The following CRPPA variants were observed in gnomAD, a reference collection of about 807,000 sequenced individuals.
The protein encoded by CRPPA is D-ribitol-5-phosphate cytidylyltransferase.
CRPPA carries 43 observed loss-of-function variants against 52.0 expected under a neutral mutation model. That is an observed-to-expected ratio of 0.83 (90% CI 0.65 to 1.07). The LOEUF (loss-of-function observed/expected upper bound fraction) is 1.07, where lower values mean the gene tolerates loss of function less well. CRPPA is among the 50% of genes least tolerant of loss of function. The pLI is 0.00. For synonymous variants in CRPPA, 250 were observed against 203.5 expected, an observed-to-expected ratio of 1.23 and a Z score of -1.94; for missense variants, 629 against 551.7, an observed-to-expected ratio of 1.14 and a Z score of -1.40.
At chr7:16,342,369 C>T (rs956868581) in intron 3 of CRPPA, among the ~76,000 whole-genome samples, 4 of 151,816 alleles carry the variant, frequency 2.6e-5, no homozygotes, top group Non-Finnish European at 4.4e-5. Context: ...AGAAAATATG[C>T]TAAGTTAAGA....
intron 6 of CRPPA, chr7:16,276,463 G>A (rs1784206036): frequency 1.3e-5 from 2 of 152,130 alleles, no homozygotes; most frequent in Admixed American, 1.3e-4. Context: ...CATCACACTT[G>A]ACCAAAACAC....
intron 3 of CRPPA, among the ~76,000 whole-genome samples, chr7:16,332,525 G>A (rs1320688521): frequency 6.6e-6 from 1 of 152,084 alleles, no homozygotes; most frequent in African/African-American, 2.4e-5. Flanking sequence ...GGGCTGCAGG[G>A]AATGATAAAG....
chr7:16,349,239 G>T (rs1786088527), intron 3 of CRPPA, among the ~76,000 whole-genome samples: 1 of 151,980 alleles, frequency 6.6e-6, no homozygotes, highest in African/African-American at 2.4e-5. Context: ...CCTCCTAAAG[G>T]TCCACAAAAA....
At chr7:16,377,857 G>A (rs887660080) in intron 2 of CRPPA, among the ~76,000 whole-genome samples, 2 of 152,102 alleles carry the variant, frequency 1.3e-5, no homozygotes, top group Non-Finnish European at 1.5e-5. Flanking sequence ...ATGCAAGTGT[G>A]GACACGAGGT....
At chr7:16,283,690 T>G (rs1784365687) in intron 5 of CRPPA, among the ~76,000 whole-genome samples, 1 of 151,718 alleles carries the variant, frequency 6.6e-6, no homozygotes, top group Non-Finnish European at 1.5e-5. Flanking sequence ...ATGGTGAGTT[T>G]AGTGAGATAG....
At chr7:16,114,352 A>T (rs184610434) in intron 9 of CRPPA, among the ~76,000 whole-genome samples, 8 of 151,912 alleles carry the variant, frequency 5.3e-5, no homozygotes, top group Admixed American at 2.0e-4. Context: ...AAAATCCCCA[A>T]ACTTCAAAGT....
At chr7:16,406,362 T>C (rs777609752) in intron 1 of CRPPA, 25 bp from the exon 2 acceptor site, 2 of 1,588,174 alleles carry the variant, frequency 1.3e-6, no homozygotes, top group South Asian at 1.1e-5. Context: ...TATGTACAAT[T>C]CGTAAATTAA....
chr7:16,203,911 T>G (rs896768021), intron 9 of CRPPA, among the ~76,000 whole-genome samples: 7 of 152,190 alleles, frequency 4.6e-5, no homozygotes, highest in African/African-American at 1.7e-4. Flanking sequence ...AATACTGGAA[T>G]CCATATAGCA....
intron 5 of CRPPA, among the ~76,000 whole-genome samples, chr7:16,292,910 G>A (rs775081176): frequency 6.6e-6 from 1 of 151,760 alleles, no homozygotes; most frequent in Non-Finnish European, 1.5e-5. Flanking sequence ...AAAGTATACT[G>A]TCCTCTATAG....
chr7:16,402,602 AAGG>A (rs1397652159), intron 2 of CRPPA, among the ~76,000 whole-genome samples: 1 of 152,170 alleles, frequency 6.6e-6, no homozygotes, highest in South Asian at 2.1e-4. Context: ...AAAAAACAGA[AAGG>A]AGATTAATCG....
At chr7:16,106,850 A>C (rs1782162381) in intron 9 of CRPPA, among the ~76,000 whole-genome samples, 1 of 152,220 alleles carries the variant, frequency 6.6e-6, no homozygotes, top group Admixed American at 6.5e-5. Flanking sequence ...ATACTCAAAA[A>C]AGTTCAGTGA....
chr7:16,115,494 G>C (rs1341383175), intron 9 of CRPPA, among the ~76,000 whole-genome samples: 1 of 152,178 alleles, frequency 6.6e-6, no homozygotes, highest in African/African-American at 2.4e-5. Context: ...TCTGTGTCTA[G>C]AAATAGATAT....
intron 9 of CRPPA, among the ~76,000 whole-genome samples, chr7:16,174,885 C>T (rs576625463): frequency 6.6e-6 from 1 of 152,280 alleles, no homozygotes; most frequent in East Asian, 1.9e-4. Context: ...TAATTTCCAT[C>T]CTACTCTTTG....
At chr7:16,202,083 C>T (rs1405844308) in intron 9 of CRPPA, among the ~76,000 whole-genome samples, 1 of 152,120 alleles carries the variant, frequency 6.6e-6, no homozygotes, top group Admixed American at 6.6e-5. Context: ...ATCACATCTC[C>T]TCTCCAACTA....
At chr7:16,286,039 ATATAAATATATATATATAT>A (rs1256227216) in intron 5 of CRPPA, among the ~76,000 whole-genome samples, 288 of 23,870 alleles carry the variant, frequency 0.012, 16 homozygotes, top group African/African-American at 0.017. Flanking sequence ...AAAAAAAAAA[ATATAAATATATATATATAT>A]ATATATATAT....
intron 1 of CRPPA, among the ~76,000 whole-genome samples, chr7:16,419,883 T>C (rs1197341844): frequency 6.6e-6 from 1 of 152,196 alleles, no homozygotes; most frequent in Non-Finnish European, 1.5e-5. Context: ...TGAGTAATAA[T>C]TTGATATGAG....
chr7:16,211,955 C>G (rs1363066939), intron 9 of CRPPA, among the ~76,000 whole-genome samples: 3 of 151,992 alleles, frequency 2.0e-5, no homozygotes, highest in Non-Finnish European at 4.4e-5. Flanking sequence ...ATACATACAG[C>G]TTTATATAAT....
intron 9 of CRPPA, among the ~76,000 whole-genome samples, chr7:16,205,463 T>C (rs1781954684): frequency 6.6e-6 from 1 of 152,220 alleles, no homozygotes; most frequent in Admixed American, 6.5e-5. Flanking sequence ...ACACCAGTTG[T>C]GTTTATGCAG....
intron 2 of CRPPA, among the ~76,000 whole-genome samples, chr7:16,388,945 A>G (rs1787368164): frequency 6.6e-6 from 1 of 152,198 alleles, no homozygotes; most frequent in African/African-American, 2.4e-5. Context: ...GAAGGTAGTG[A>G]CATTTCTATC....
Sources: gnomAD v4.1 joint callset for allele counts (sites outside exome capture counted in the v4.1 genomes callset) on GRCh38, gnomAD v4.1.1 for gene constraint, MANE v1.5 for transcripts, NCBI Gene and HGNC (gene_info 2026-07-23, HGNC 2026-07-21) for gene names.